Variants in ASCC3 observed in about 807,000 individuals in gnomAD.
The protein encoded by ASCC3 is ASC-1 complex subunit P200.
In ASCC3, 158 loss-of-function variants were observed where a neutral mutation model predicts 256.3. That is an observed-to-expected ratio of 0.62 (90% CI 0.54 to 0.70). The LOEUF (loss-of-function observed/expected upper bound fraction) is 0.70, where lower values mean the gene tolerates loss of function less well. Ranked by LOEUF, ASCC3 falls within the 30% of genes least tolerant of loss-of-function variation. ASCC3 has a pLI of 0.00. For synonymous variants in ASCC3, 948 were observed against 883.4 expected (o/e 1.07, Z -1.30); for missense variants, 2,259 against 2,626.0 (o/e 0.86, Z 3.05).
intron 37 of ASCC3, chr6:100,530,614 TAC>T: frequency 1.3e-6 from 1 of 798,280 alleles, no homozygotes; most frequent in South Asian, 1.3e-5. Flanking sequence ...AGAGCAGCAA[TAC>T]AGTGTGAGTT....
At position 100,825,273 on chromosome 6, in the gene ASCC3, A is replaced by ATT. The variant is rs71028036; in HGVS notation, c.802-19395_802-19394dup. Among the ~76,000 whole-genome samples, 778 of 141,376 alleles carry ATT rather than the reference A, an allele frequency of 5.5e-3. 7 individuals are homozygous for ATT. Among genetic ancestry groups the ATT allele is most frequent in the African/African-American group, 0.018 (683 of 38,070 alleles). 92.7% of individuals were successfully genotyped at this position (141,376 alleles called of 152,430 possible). ...TAAAACACTATGAGATTCTTTTGTG[A>ATT]TTTTTTTTTTTTTTTTTTTAGCCCA... is the stretch of plus-strand genomic sequence containing the variant. On this transcript the variant is annotated intron_variant, in intron 4 of 41. Transcript: ENST00000369162.
At chr6:100,701,583 C>T (rs529982531) in intron 13 of ASCC3, among the ~76,000 whole-genome samples, 24 of 152,218 alleles carry the variant, frequency 1.6e-4, no homozygotes, top group Admixed American at 6.5e-4. Context: ...CATTAAGCAA[C>T]GCATGTCAGT....
At chr6:100,715,742 T>C (rs1779060784) in intron 12 of ASCC3, among the ~76,000 whole-genome samples, 1 of 151,750 alleles carries the variant, frequency 6.6e-6, no homozygotes, top group Non-Finnish European at 1.5e-5. Flanking sequence ...GTAACTCAGA[T>C]AATAGTTTCT....
chr6:100,587,945 T>C (rs2114767730), intron 36 of ASCC3, among the ~76,000 whole-genome samples: 1 of 152,298 alleles, frequency 6.6e-6, no homozygotes, highest in African/African-American at 2.4e-5. Flanking sequence ...AGTAGGCATA[T>C]GATTTTCACA....
chr6:100,849,217 A>T (rs1390947037), intron 3 of ASCC3, among the ~76,000 whole-genome samples: 5 of 152,218 alleles, frequency 3.3e-5, no homozygotes, highest in Non-Finnish European at 7.3e-5. Context: ...TAAATAAATC[A>T]TTATCAGTAA....
intron 36 of ASCC3, among the ~76,000 whole-genome samples, chr6:100,567,916 G>C (rs1770354750): frequency 2.0e-5 from 3 of 152,052 alleles, no homozygotes; most frequent in South Asian, 4.2e-4. Context: ...CCCAGTAATG[G>C]GATTGCTGCG....
chr6:100,671,805 T>C (rs1016327602), intron 14 of ASCC3, among the ~76,000 whole-genome samples: 1 of 152,060 alleles, frequency 6.6e-6, no homozygotes, highest in Non-Finnish European at 1.5e-5. Flanking sequence ...TGTGACTATT[T>C]CCCAACATTT....
chr6:100,686,137 C>T (rs1301971074), intron 13 of ASCC3, among the ~76,000 whole-genome samples: 2 of 152,082 alleles, frequency 1.3e-5, no homozygotes, highest in African/African-American at 4.8e-5. Context: ...TAATTTTTGT[C>T]TTTTATGTAT....
At chr6:100,681,082 C>T (rs1777278556) in intron 13 of ASCC3, among the ~76,000 whole-genome samples, 1 of 152,048 alleles carries the variant, frequency 6.6e-6, no homozygotes, top group African/African-American at 2.4e-5. Context: ...AATCTTATGT[C>T]TATAAACTTG....
intron 4 of ASCC3, among the ~76,000 whole-genome samples, chr6:100,829,281 G>T (rs1771495795): frequency 6.6e-6 from 1 of 152,154 alleles, no homozygotes; most frequent in Non-Finnish European, 1.5e-5. Context: ...TGGAGCAGGG[G>T]GCGGCGCTCA....
intron 37 of ASCC3, among the ~76,000 whole-genome samples, chr6:100,536,693 C>T (rs1469298736): frequency 3.3e-5 from 5 of 152,152 alleles, no homozygotes; most frequent in African/African-American, 1.2e-4. Context: ...TTCTGAACTC[C>T]TGGCCTCAGT....
intron 11 of ASCC3, among the ~76,000 whole-genome samples, chr6:100,723,860 T>TTTTATATATA (rs1467127736): frequency 3.6e-5 from 4 of 110,246 alleles, no homozygotes; most frequent in African/African-American, 9.8e-5. Flanking sequence ...TATTAGGGAA[T>TTTTATATATA]TATATATATA....
chr6:100,696,709 T>A (rs1317394097), intron 13 of ASCC3, among the ~76,000 whole-genome samples: 4 of 152,056 alleles, frequency 2.6e-5, no homozygotes, highest in Non-Finnish European at 4.4e-5. Flanking sequence ...GACTAAAGGC[T>A]ATACTTAAAC....
intron 26 of ASCC3, among the ~76,000 whole-genome samples, chr6:100,629,674 A>T (rs991025142): frequency 6.6e-6 from 1 of 152,120 alleles, no homozygotes; most frequent in African/African-American, 2.4e-5. Context: ...TTAGATTGGA[A>T]TTTTCTATAG....
At chr6:100,828,243 A>T (rs1771427049) in intron 4 of ASCC3, among the ~76,000 whole-genome samples, 1 of 152,202 alleles carries the variant, frequency 6.6e-6, no homozygotes, top group African/African-American at 2.4e-5. Flanking sequence ...TGTAACTGGA[A>T]CTAGTTAAGA....
At chr6:100,553,401 T>C (rs1342423646) in intron 36 of ASCC3, among the ~76,000 whole-genome samples, 2 of 152,092 alleles carry the variant, frequency 1.3e-5, no homozygotes, top group Non-Finnish European at 2.9e-5. Context: ...ATCATGTAGG[T>C]AATTAGAGGA....
intron 10 of ASCC3, among the ~76,000 whole-genome samples, chr6:100,738,830 A>C (rs537572115): frequency 1.3e-5 from 2 of 152,284 alleles, no homozygotes; most frequent in South Asian, 4.1e-4. Flanking sequence ...TCAGCTTAAG[A>C]AGCTTTTGGA....
intron 8 of ASCC3, among the ~76,000 whole-genome samples, chr6:100,783,010 C>CAA (rs5878647): frequency 1.5e-5 from 2 of 133,218 alleles, no homozygotes; most frequent in East Asian, 2.1e-4. Context: ...ATACCTATGC[C>CAA]AAAAAAAAAA....
At chr6:100,599,743 C>T (rs1485185020) in intron 34 of ASCC3, among the ~76,000 whole-genome samples, 1 of 151,640 alleles carries the variant, frequency 6.6e-6, no homozygotes, top group Non-Finnish European at 1.5e-5. Flanking sequence ...CTACAATTTG[C>T]TAAAGTACTA....
Sources: gnomAD v4.1 joint callset for allele counts (sites outside exome capture counted in the v4.1 genomes callset) on GRCh38, gnomAD v4.1.1 for gene constraint, MANE v1.5 for transcripts, NCBI Gene and HGNC (gene_info 2026-07-23, HGNC 2026-07-21) for gene names.